MICU3: variants seen among roughly 807,000 people sequenced by gnomAD.
MICU3 encodes the protein calcium uptake protein 3, mitochondrial.
In MICU3, 62 loss-of-function variants were observed where a neutral mutation model predicts 66.5. The observed-to-expected ratio is 0.93, with a 90% confidence interval of 0.76 to 1.15. MICU3 has a LOEUF of 1.15. Among genes scored for constraint, MICU3 ranks in the 50% most tolerant of loss-of-function variants. MICU3 has a pLI of 0.00. For missense variants in MICU3, 779 were observed against 664.4 expected (o/e 1.17, Z -1.90); for synonymous variants, 308 against 240.7 (o/e 1.28, Z -2.59).
intron 1 of MICU3, among the ~76,000 whole-genome samples, chr8:17,027,927 C>T (rs1811305645): frequency 6.6e-6 from 1 of 152,130 alleles, no homozygotes; most frequent in Non-Finnish European, 1.5e-5. Flanking sequence ...CAACACCCCT[C>T]CCCCTCTTAC....
intron 1 of MICU3, among the ~76,000 whole-genome samples, chr8:17,048,675 G>T (rs1236516918): frequency 6.6e-6 from 1 of 152,134 alleles, no homozygotes; most frequent in Non-Finnish European, 1.5e-5. Flanking sequence ...GAGTATGGTG[G>T]TGTGATCACC....
At chr8:17,027,945 G>A (rs1041673852) in intron 1 of MICU3, among the ~76,000 whole-genome samples, 3 of 152,112 alleles carry the variant, frequency 2.0e-5, no homozygotes, top group African/African-American at 7.2e-5. Flanking sequence ...TACAAAAAAA[G>A]ATTCAGAAAT....
At chr8:17,135,433 C>T in the MICU3 span, among the ~76,000 whole-genome samples, 2 of 150,680 alleles carry the variant, frequency 1.3e-5, no homozygotes, top group Non-Finnish European at 2.9e-5. Context: ...GTTAGATTTT[C>T]TATCTGATTT....
chr8:17,080,545 T>G (rs376277012), intron 4 of MICU3, among the ~76,000 whole-genome samples: 1 of 152,180 alleles, frequency 6.6e-6, no homozygotes, highest in Admixed American at 6.6e-5. Context: ...CCTTCTTTTA[T>G]GCTCTTCTTT....
chr8:17,121,437 ACTT>A lies in MICU3; in HGVS notation c.*1151_*1153del, dbSNP rs1803188604. 6.6e-6 allele frequency: 1 copy of A among 151,914 alleles called. No homozygotes were observed. The highest frequency in any genetic ancestry group is 2.4e-5 in the African/African-American group (1 of 41,434). The allele number at this position is 151,914 out of a possible 1,614,324, so 9.4% of individuals were successfully genotyped here. On this transcript the variant is annotated 3_prime_UTR_variant, in exon 15 of 15. Transcript: ENST00000318063. ...GTACATAGAGAAACAATTTGATAAT[ACTT>A]AATAGAAATCTGTTCAATTAAAAAT... is the stretch of plus-strand genomic sequence containing the variant.
At chr8:17,064,551 T>A (rs1818381461) in intron 2 of MICU3, among the ~76,000 whole-genome samples, 1 of 152,170 alleles carries the variant, frequency 6.6e-6, no homozygotes, top group Admixed American at 6.5e-5. Context: ...AGGACTGGCT[T>A]TGAGGTTAGC....
At chr8:17,132,367 G>A in the MICU3 span, 2 of 152,212 alleles carry the variant, frequency 1.3e-5, no homozygotes, top group East Asian at 1.9e-4. Flanking sequence ...GCCAGAACCT[G>A]GTAGAGTAAT....
At chr8:17,086,326 C>T (rs3850762) in intron 6 of MICU3, among the ~76,000 whole-genome samples, 91,948 of 151,806 alleles carry the variant, frequency 0.61, 29,781 homozygotes, top group African/African-American at 0.83. Flanking sequence ...CAGAAGCTAA[C>T]TAGTAGCCAT....
chr8:17,031,291 T>TATTATTATG (rs1163716931), intron 1 of MICU3, among the ~76,000 whole-genome samples: 3 of 148,188 alleles, frequency 2.0e-5, no homozygotes, highest in African/African-American at 7.4e-5. Context: ...TTATTATTAT[T>TATTATTATG]ATTATTATTA....
At chr8:17,047,659 A>G (rs1452750258) in intron 1 of MICU3, among the ~76,000 whole-genome samples, 1 of 152,240 alleles carries the variant, frequency 6.6e-6, no homozygotes, top group Non-Finnish European at 1.5e-5. Context: ...GCCAGAGGAC[A>G]GTGGGCTATA....
chr8:17,095,794 C>CT (rs1456491800), intron 8 of MICU3, among the ~76,000 whole-genome samples: 1 of 151,550 alleles, frequency 6.6e-6, no homozygotes, highest in Non-Finnish European at 1.5e-5. Context: ...TCCTTCCTTT[C>CT]TTGCTGCCTT....
intron 1 of MICU3, among the ~76,000 whole-genome samples, chr8:17,046,702 G>T (rs1010587118): frequency 1.3e-5 from 2 of 152,026 alleles, no homozygotes; most frequent in Non-Finnish European, 1.5e-5. Context: ...CTGGAAGTGA[G>T]ATGCCACCTA....
At chr8:17,042,680 T>G (rs1334568124) in intron 1 of MICU3, among the ~76,000 whole-genome samples, 2 of 152,198 alleles carry the variant, frequency 1.3e-5, no homozygotes, top group Non-Finnish European at 2.9e-5. Context: ...AAAAGTAGAA[T>G]CTATGTTTTC....
At chr8:17,053,582 A>C (rs1439831648) in intron 1 of MICU3, among the ~76,000 whole-genome samples, 1 of 152,320 alleles carries the variant, frequency 6.6e-6, no homozygotes, top group South Asian at 2.1e-4. Context: ...TTTTTCTGGG[A>C]AAGATGAGGT....
At chr8:17,122,922 A>G (rs2959597), downstream of MICU3, among the ~76,000 whole-genome samples, 9,991 of 152,094 alleles carry the variant, frequency 0.066, 464 homozygotes, top group East Asian at 0.25. Flanking sequence ...ATGTGACTTA[A>G]TGGAGTATTA....
intron 7 of MICU3, among the ~76,000 whole-genome samples, chr8:17,087,635 A>G (rs1008919290): frequency 1.1e-4 from 17 of 152,062 alleles, no homozygotes; most frequent in African/African-American, 4.1e-4. Context: ...AAGACCTTAC[A>G]AACGGACACT....
At chr8:17,039,895 CTTTTTT>C (rs35133600) in intron 1 of MICU3, among the ~76,000 whole-genome samples, 2 of 62,546 alleles carry the variant, frequency 3.2e-5, no homozygotes, top group African/African-American at 1.3e-4. Context: ...ATCTTGCATT[CTTTTTT>C]TTTTTTTTTT....
intron 1 of MICU3, among the ~76,000 whole-genome samples, chr8:17,031,270 T>TATC (rs1413184834): frequency 6.8e-6 from 1 of 146,278 alleles, no homozygotes; most frequent in Non-Finnish European, 1.5e-5. Flanking sequence ...CATTTATTAT[T>TATC]ATTATTATTA....
At chr8:17,037,002 C>T (rs974956141) in intron 1 of MICU3, among the ~76,000 whole-genome samples, 20 of 152,212 alleles carry the variant, frequency 1.3e-4, no homozygotes, top group African/African-American at 4.3e-4. Flanking sequence ...TCGAGCGCAG[C>T]GCCCGTGGGC....
Sources: gnomAD v4.1 joint callset for allele counts (sites outside exome capture counted in the v4.1 genomes callset) on GRCh38, gnomAD v4.1.1 for gene constraint, MANE v1.5 for transcripts, NCBI Gene and HGNC (gene_info 2026-07-23, HGNC 2026-07-21) for gene names.